Variants in ORC5 observed in about 807,000 individuals in gnomAD.
The protein encoded by ORC5 is origin recognition complex subunit 5.
ORC5 carries 39 observed loss-of-function variants against 58.8 expected under a neutral mutation model. That is an observed-to-expected ratio of 0.66 (90% CI 0.51 to 0.87). ORC5 has a LOEUF of 0.87. ORC5 is among the 40% of genes least tolerant of loss of function. The pLI is 0.00. For missense variants in ORC5, 493 were observed against 506.3 expected (o/e 0.97, Z 0.25); for synonymous variants, 218 against 177.6 (o/e 1.23, Z -1.81).
At chr7:104,143,621 G>A (rs194860) in intron 12 of ORC5, among the ~76,000 whole-genome samples, 19,349 of 151,878 alleles carry the variant, frequency 0.13, 2,596 homozygotes, top group East Asian at 0.47. Context: ...GATGATTTAG[G>A]AAAAGCTAAT....
intron 8 of ORC5, among the ~76,000 whole-genome samples, chr7:104,182,804 T>C (rs901425314): frequency 1.3e-5 from 2 of 152,198 alleles, no homozygotes; most frequent in Non-Finnish European, 2.9e-5. Context: ...TTTTACTTTG[T>C]ATTTTCCTTT....
chr7:104,130,581 T>C (rs1228390151), intron 13 of ORC5, among the ~76,000 whole-genome samples: 1 of 152,222 alleles, frequency 6.6e-6, no homozygotes, highest in Non-Finnish European at 1.5e-5. Context: ...CTGAGTAATT[T>C]AGCATACAGT....
chr7:104,182,729 C>T (rs1197416770), intron 8 of ORC5, among the ~76,000 whole-genome samples: 1 of 152,140 alleles, frequency 6.6e-6, no homozygotes, highest in Non-Finnish European at 1.5e-5. Context: ...TCAGTAGGTT[C>T]CCTTTAAGCG....
intron 12 of ORC5, among the ~76,000 whole-genome samples, chr7:104,158,417 C>T (rs1439722507): frequency 1.3e-5 from 2 of 152,032 alleles, no homozygotes; most frequent in Non-Finnish European, 2.9e-5. Flanking sequence ...TAGGCATGGG[C>T]AAGGACTTCA....
At chr7:104,179,802 G>A (rs1799398687) in intron 8 of ORC5, among the ~76,000 whole-genome samples, 2 of 152,064 alleles carry the variant, frequency 1.3e-5, no homozygotes, top group Non-Finnish European at 2.9e-5. Flanking sequence ...TTTAATGTTT[G>A]CTGCATCTTA....
At position 104,207,821 on chromosome 7, in the gene ORC5, T is replaced by A; in HGVS notation, c.72+12A>T. On this transcript the variant is annotated intron_variant, in intron 1 of 13. Coordinates refer to ENST00000297431, the MANE Select transcript of ORC5 (RefSeq NM_002553.4). ...TGCCTCCAGGATCTGGAAGACAGTT[T>A]AACTACAATACCTCTCCAAACAAGG... 6.2e-7 allele frequency: 1 copy of A among 1,611,682 alleles called. No homozygotes were observed.
At chr7:104,168,289 C>A in intron 9 of ORC5, 184 bp downstream of exon 9, 1 of 1,166,956 alleles carries the variant, frequency 8.6e-7, no homozygotes, top group Non-Finnish European at 1.1e-6. Context: ...CTTTTATTTC[C>A]TCCCATTAAA....
intron 8 of ORC5, among the ~76,000 whole-genome samples, chr7:104,172,664 A>T (rs1799235484): frequency 6.6e-6 from 1 of 152,210 alleles, no homozygotes; most frequent in South Asian, 2.1e-4. Flanking sequence ...CAATATTTAC[A>T]ATAATTTTCA....
In ORC5 at chr7:104,161,063, T is replaced by A. The variant is rs556335839; in HGVS notation, c.1149+9A>T. 6 of 1,372,436 alleles carry A rather than the reference T, an allele frequency of 4.4e-6. No homozygotes were observed. In the South Asian group the frequency reaches 5.8e-5, roughly 13 times the overall value. 85.0% of individuals were successfully genotyped at this position (1,372,436 alleles called of 1,614,324 possible). A position where few individuals can be genotyped will look rare whatever the true frequency, so the allele number is the denominator to read the frequency against. On this transcript the variant is annotated intron_variant, in intron 12 of 13. Transcript: ENST00000297431. ...AAGATGACAGATAATAATCTATGATTAAGCTTACCTGGGAAAAAATATTTG... is the reference window on the plus strand; with the variant it reads ...AAGATGACAGATAATAATCTATGATAAAGCTTACCTGGGAAAAAATATTTG...
chr7:104,196,970 C>G (rs1382433154), intron 4 of ORC5, among the ~76,000 whole-genome samples: 3 of 152,242 alleles, frequency 2.0e-5, no homozygotes, highest in Middle Eastern at 3.4e-3. Flanking sequence ...TTACAAAACC[C>G]TGTTTCATCT....
chr7:104,157,180 T>C (rs906353750), intron 12 of ORC5, among the ~76,000 whole-genome samples: 7 of 151,890 alleles, frequency 4.6e-5, no homozygotes, highest in Non-Finnish European at 1.0e-4. Flanking sequence ...GTGGGAGAAA[T>C]ACTCTTTGGA....
chr7:104,184,073 G>T (rs1363771520), intron 7 of ORC5, 40 bp from the exon 8 acceptor site: 1 of 1,588,282 alleles, frequency 6.3e-7, no homozygotes, highest in Non-Finnish European at 8.6e-7. Context: ...TTTATATCTT[G>T]TAAAAACCTT....
intron 12 of ORC5, among the ~76,000 whole-genome samples, chr7:104,142,240 C>A (rs1197564516): frequency 2.0e-5 from 3 of 152,022 alleles, no homozygotes; most frequent in Admixed American, 1.3e-4. Flanking sequence ...AAAATTAATT[C>A]AAATGGACTA....
intron 5 of ORC5, among the ~76,000 whole-genome samples, chr7:104,190,454 C>T (rs1355640178): frequency 1.3e-5 from 2 of 152,028 alleles, no homozygotes; most frequent in Admixed American, 1.3e-4. Flanking sequence ...GTATTTTCTC[C>T]CTACAACTTT....
chr7:104,144,738 C>A (rs901436230), intron 12 of ORC5, among the ~76,000 whole-genome samples: 2 of 152,306 alleles, frequency 1.3e-5, no homozygotes, highest in Non-Finnish European at 1.5e-5. Context: ...CCCTGGGCAA[C>A]AGAACGAGAC....
intron 8 of ORC5, among the ~76,000 whole-genome samples, chr7:104,175,611 A>G (rs1799306049): frequency 1.3e-5 from 2 of 152,222 alleles, no homozygotes; most frequent in Non-Finnish European, 2.9e-5. Context: ...GAAGAGATCA[A>G]TGTTTATAAG....
At chr7:104,147,725 T>TC (rs1798784679) in intron 12 of ORC5, among the ~76,000 whole-genome samples, 1 of 152,202 alleles carries the variant, frequency 6.6e-6, no homozygotes, top group Non-Finnish European at 1.5e-5. Context: ...AGAAAACATT[T>TC]CAGAGTTGTA....
Position 104,138,299 on chromosome 7 carries a change from A to C in ORC5, c.1150-1406T>G, listed in dbSNP as rs1798622100. Among the ~76,000 whole-genome samples the C allele has an allele frequency of 6.6e-6, 1 of 152,240 alleles. No homozygotes were observed. The highest frequency in any genetic ancestry group is 1.5e-5 in the Non-Finnish European group (1 of 68,042). ...AGACACATGACCGCTAAACCTTTAA[A>C]AGCTGCAAATAAAGCACATTCCTCC... On this transcript the variant is annotated intron_variant, in intron 12 of 13. Transcript: ENST00000297431. The surrounding 1 kb of genome is among the most constrained non-coding windows in gnomAD (Gnocchi z 4.7).
At chr7:104,206,712 G>C (rs999553625) in intron 1 of ORC5, among the ~76,000 whole-genome samples, 20 of 152,180 alleles carry the variant, frequency 1.3e-4, no homozygotes, top group Non-Finnish European at 5.9e-5. Flanking sequence ...GTACAGTCAC[G>C]TGTACATTCA....
Sources: gnomAD v4.1 joint callset for allele counts (sites outside exome capture counted in the v4.1 genomes callset) on GRCh38, gnomAD v4.1.1 for gene constraint, Gnocchi (gnomAD v3.1) non-coding constraint, MANE v1.5 for transcripts, NCBI Gene and HGNC (gene_info 2026-07-23, HGNC 2026-07-21) for gene names.